DRD3: variants seen among roughly 807,000 people sequenced by gnomAD.
DRD3 encodes the protein D(3) dopamine receptor.
A neutral mutation model predicts 36.3 loss-of-function variants in DRD3; 19 were observed. The observed-to-expected ratio is 0.52, with a 90% CI of 0.36 to 0.77. The LOEUF (loss-of-function observed/expected upper bound fraction) is 0.77. Among genes scored for constraint, DRD3 ranks in the 30% least tolerant of loss-of-function variants. DRD3 has a pLI of 0.00. For synonymous variants in DRD3, 195 were observed against 203.7 expected, an observed-to-expected ratio of 0.96 and a Z score of 0.36; for missense variants, 465 against 505.3, an observed-to-expected ratio of 0.92 and a Z score of 0.77.
intron 1 of DRD3, among the ~76,000 whole-genome samples, chr3:114,198,671 A>G (rs953415487): frequency 2.0e-5 from 3 of 152,094 alleles, no homozygotes; most frequent in Admixed American, 6.6e-5. Flanking sequence ...ATAGCTATAG[A>G]TACATAGGTA....
intron 3 of DRD3, among the ~76,000 whole-genome samples, chr3:114,156,357 A>C (rs575035407): frequency 6.9e-4 from 105 of 152,312 alleles, no homozygotes; most frequent in African/African-American, 2.5e-3. Flanking sequence ...TCGTCTCGAC[A>C]TGGTGATCTC....
At chr3:114,163,188 T>C (rs1283647214) in intron 2 of DRD3, among the ~76,000 whole-genome samples, 1 of 152,212 alleles carries the variant, frequency 6.6e-6, no homozygotes, top group African/African-American at 2.4e-5. Flanking sequence ...ATTAAAATAA[T>C]TCCCACTAAG....
intron 1 of DRD3, among the ~76,000 whole-genome samples, chr3:114,184,784 G>A (rs559355222): frequency 1.3e-5 from 2 of 152,088 alleles, no homozygotes; most frequent in African/African-American, 4.8e-5. Flanking sequence ...GGCTGGTCTC[G>A]AACTCCTGAA....
chr3:114,151,453 G>A (rs2077617025), intron 3 of DRD3, among the ~76,000 whole-genome samples: 2 of 152,064 alleles, frequency 1.3e-5, no homozygotes, highest in African/African-American at 4.8e-5. Context: ...TGTATTATTT[G>A]CCAATTTCTG....
intron 3 of DRD3, among the ~76,000 whole-genome samples, chr3:114,148,965 G>A (rs1400321630): frequency 6.6e-6 from 1 of 152,034 alleles, no homozygotes; most frequent in Admixed American, 6.6e-5. Context: ...CACCTGCCTC[G>A]GCCTCCCAAA....
upstream of DRD3, among the ~76,000 whole-genome samples, chr3:114,179,312 AG>A (rs2077932489): frequency 6.6e-6 from 1 of 152,160 alleles, no homozygotes; most frequent in African/African-American, 2.4e-5. Context: ...TTGAACTTGG[AG>A]GTGTAAGCCT....
upstream of DRD3, among the ~76,000 whole-genome samples, chr3:114,179,618 C>T (rs2077934480): frequency 3.3e-5 from 5 of 152,174 alleles, no homozygotes; most frequent in South Asian, 1.0e-3. Flanking sequence ...ACAATCCTAA[C>T]TTATGGTCAC....
At position 114,139,739 on chromosome 3, in the gene DRD3, A is replaced by G. The variant is rs755180727; in HGVS notation, c.527-43T>C. 6 of 1,588,996 alleles carry G rather than the reference A, an allele frequency of 3.8e-6. No individual in the cohort carries two copies. The South Asian group carries it at 4.5e-5, about 12-fold the overall frequency. ...GAAGGTAAAGCAGTTAGCAAGTATC[A>G]GAACTCAGTAAGGAGCATAAAACAC... On this transcript the variant is annotated intron_variant, in intron 4 of 6. Coordinates refer to ENST00000383673, the MANE Select transcript of DRD3 (RefSeq NM_000796.6).
intron 3 of DRD3, among the ~76,000 whole-genome samples, chr3:114,154,325 A>ATG (rs139298505): frequency 0.064 from 9,582 of 149,188 alleles, 404 homozygotes; most frequent in African/African-American, 0.11. Context: ...AGGGTGGGAG[A>ATG]TGTGTGTGTG....
At chr3:114,185,175 T>G (rs1346213767) in intron 1 of DRD3, among the ~76,000 whole-genome samples, 1 of 152,226 alleles carries the variant, frequency 6.6e-6, no homozygotes, top group Admixed American at 6.5e-5. Context: ...TCTGCCATTA[T>G]TTCTTCAAAT....
chr3:114,151,642 G>C (rs941666060), intron 3 of DRD3, among the ~76,000 whole-genome samples: 2 of 152,082 alleles, frequency 1.3e-5, no homozygotes, highest in African/African-American at 4.8e-5. Context: ...CAACTCCCTG[G>C]AGGCTCCATT....
chr3:114,169,614 G>A (rs1453279399), intron 2 of DRD3, among the ~76,000 whole-genome samples: 1 of 152,010 alleles, frequency 6.6e-6, no homozygotes, highest in African/African-American at 2.4e-5. Flanking sequence ...CATCAGAGCT[G>A]TTCTCATGGA....
At chr3:114,181,747 T>C (rs993321358), upstream of DRD3, among the ~76,000 whole-genome samples, 11 of 152,180 alleles carry the variant, frequency 7.2e-5, no homozygotes, top group African/African-American at 1.4e-4. Flanking sequence ...CTGATACATA[T>C]GGTTACTCAG....
intron 6 of DRD3, 86 bp downstream of exon 6, chr3:114,131,032 A>C: frequency 2.7e-6 from 4 of 1,464,150 alleles, no homozygotes; most frequent in Non-Finnish European, 3.7e-6. Context: ...ACTGTCATCA[A>C]ATTTCCGATA....
chr3:114,167,501 A>G (rs534731819), intron 2 of DRD3, among the ~76,000 whole-genome samples: 17 of 152,344 alleles, frequency 1.1e-4, no homozygotes, highest in East Asian at 3.9e-4. Context: ...CCTCTGAAAT[A>G]TAATCTTCTG....
At chr3:114,190,314 A>G (rs1168728968) in intron 1 of DRD3, among the ~76,000 whole-genome samples, 1 of 149,570 alleles carries the variant, frequency 6.7e-6, no homozygotes, top group Non-Finnish European at 1.5e-5. Context: ...CTGGCTGCCC[A>G]CTGGGCCTAT....
chr3:114,131,285 T>C lies in DRD3; in HGVS notation c.839A>G (p.Glu280Gly). The C allele has an allele frequency of 6.2e-7, 1 of 1,614,186 alleles. No individual in the cohort carries two copies. Among genetic ancestry groups the C allele is most frequent in the Non-Finnish European group, 8.5e-7 (1 of 1,180,028 alleles). The change falls in exon 6 of 7, where the codon GAG becomes GGG. Residue 280 changes from glutamate (E) to glycine (G), a missense_variant. Transcript: ENST00000383673. ...QERGGELKRE[E>G]KTRNSLSPTI... ...GGGACTCAGGGAATTCCGAGTCTTC[T>C]CCTCTCTTTTCAACTCTCCTCCTCT...
chr3:114,177,703 T>C (rs2077914341), intron 1 of DRD3, among the ~76,000 whole-genome samples: 1 of 152,188 alleles, frequency 6.6e-6, no homozygotes, highest in Non-Finnish European at 1.5e-5. Context: ...CCTTGCTCAA[T>C]ACCCTTGCTC....
chr3:114,162,753 A>T (rs551496790), intron 2 of DRD3, among the ~76,000 whole-genome samples: 1 of 152,304 alleles, frequency 6.6e-6, no homozygotes, highest in East Asian at 1.9e-4. Flanking sequence ...ACCCTGCTAT[A>T]GGGAAGTGTT....
Sources: allele counts gnomAD v4.1 joint callset (sites outside exome capture counted in the v4.1 genomes callset), GRCh38; gene constraint gnomAD v4.1.1; transcripts MANE v1.5; gene names NCBI Gene and HGNC (gene_info 2026-07-23, HGNC 2026-07-21).